The following ALPK2 variants were observed in gnomAD, a reference collection of about 807,000 sequenced individuals.
The protein encoded by ALPK2 is alpha kinase 2, also known as alpha-protein kinase 2.
ALPK2 carries 127 observed loss-of-function variants against 163.1 expected under a neutral mutation model. That is an observed-to-expected ratio of 0.78 (90% CI 0.67 to 0.90). ALPK2 has a LOEUF of 0.90. Among genes scored for constraint, ALPK2 ranks in the 40% least tolerant of loss-of-function variants. The probability of loss-of-function intolerance (pLI) is 0.00; values close to 1 mark genes in which losing one functional copy is unlikely to be tolerated. For synonymous variants in ALPK2, 953 were observed against 959.1 expected, an observed-to-expected ratio of 0.99 and a Z score of 0.12; for missense variants, 2,360 against 2,589.6, an observed-to-expected ratio of 0.91 and a Z score of 1.92.
chr18:58,571,104 C>T (rs1260734464), intron 4 of ALPK2, among the ~76,000 whole-genome samples: 1 of 152,106 alleles, frequency 6.6e-6, no homozygotes, highest in Non-Finnish European at 1.5e-5. Context: ...TCACTGCAAC[C>T]TCCACCTCCC....
intron 4 of ALPK2, among the ~76,000 whole-genome samples, chr18:58,550,359 G>GTGTCATATACAACCCATCCCCA (rs2051745716): frequency 2.7e-4 from 2 of 7,540 alleles, no homozygotes; most frequent in Admixed American, 1.3e-3. Context: ...CCCCATCTCT[G>GTGTCATATACAACCCATCCCCA]TCTCTATCAC....
intron 11 of ALPK2, among the ~76,000 whole-genome samples, chr18:58,502,112 G>A (rs946748277): frequency 1.4e-5 from 2 of 143,230 alleles, no homozygotes; most frequent in Admixed American, 7.4e-5. Context: ...ACCAGCCTGA[G>A]CAACAAAGTG....
At chr18:58,541,314 A>G (rs1193013500) in intron 4 of ALPK2, among the ~76,000 whole-genome samples, 1 of 152,198 alleles carries the variant, frequency 6.6e-6, no homozygotes, top group Admixed American at 6.5e-5. Flanking sequence ...ACACTTTTAA[A>G]CAACCAGATC....
At chr18:58,604,464 G>A (rs546324770) in intron 3 of ALPK2, among the ~76,000 whole-genome samples, 1 of 152,234 alleles carries the variant, frequency 6.6e-6, no homozygotes, top group South Asian at 2.1e-4. Flanking sequence ...GAATCACCTG[G>A]GATTCCGATT....
intron 4 of ALPK2, chr18:58,566,455 C>T (rs2051853605): frequency 6.6e-6 from 1 of 152,166 alleles, no homozygotes; most frequent in Non-Finnish European, 1.5e-5. Flanking sequence ...TTTCCATCTC[C>T]TTTCAGAGAT....
chr18:58,538,031 T>A lies in ALPK2; in HGVS notation c.2156A>T (p.His719Leu). The A allele has an allele frequency of 6.2e-7, 1 of 1,614,188 alleles. No homozygotes were observed. Among genetic ancestry groups the A allele is most frequent in the Non-Finnish European group, 8.5e-7 (1 of 1,180,020 alleles). ...EVKPCTCGPQ[H>L]EEKQDRDGNI... ...GCCATCTCTGTCTTGTTTTTCTTCATGCTGTGGACCACAGGTACAGGGTTT... is the reference window on the plus strand; with the variant it reads ...GCCATCTCTGTCTTGTTTTTCTTCAAGCTGTGGACCACAGGTACAGGGTTT... The change falls in exon 5 of 13, where the codon CAT (histidine) becomes CTT (leucine). Residue 719 changes from histidine (H) to leucine (L), a missense_variant. His to Leu is a moderately conservative substitution (Grantham distance 99). Coordinates refer to ENST00000361673, the MANE Select transcript of ALPK2 (RefSeq NM_052947.4).
In ALPK2 at chr18:58,580,472, C is replaced by A. The variant is rs752603625; in HGVS notation, c.304G>T (p.Val102Phe). The A allele has an allele frequency of 6.2e-7, 1 of 1,614,112 alleles. No individual in the cohort carries two copies. The highest frequency in any genetic ancestry group is 1.1e-5 in the South Asian group (1 of 91,070). Residue 102 changes from valine to phenylalanine, a missense_variant, in exon 4 of 13, where the codon GTT (valine) becomes TTT (phenylalanine). Val to Phe is a conservative substitution (Grantham distance 50). Transcript: ENST00000361673. The stretch of plus-strand genomic sequence containing the variant: ...TTCTCTGATGAGCACTCAACCTCAA[C>A]GGAAGCAGAACAACAGATCATTCCA... ...SFGMICCSAS[V>F]EVECSSENPQ...
Position 58,535,167 on chromosome 18 carries a change from G to T in ALPK2, c.5020C>A (p.Gln1674Lys). The change falls in exon 5 of 13, where the codon CAA becomes AAA. Residue 1674 changes from glutamine (Q) to lysine (K), a missense_variant. Gln to Lys is a moderately conservative substitution (Grantham distance 53). Transcript: ENST00000361673. ...TTCGCACAGCCCAGGGTGCCCTTTT[G>T]ACATGGATCCTGCAGTAATTTAGGG... ...KAPKLLQDPC[Q>K]KGTLGCAKKS... is the part of the protein sequence containing the mutation. 1.2e-6 allele frequency: 2 copies of T among 1,614,000 alleles called. No homozygotes were observed. Among genetic ancestry groups the T allele is most frequent in the Non-Finnish European group, 1.7e-6 (2 of 1,179,998 alleles).
chr18:58,498,605 A>AT (rs1208760656), intron 11 of ALPK2, among the ~76,000 whole-genome samples: 1 of 152,212 alleles, frequency 6.6e-6, no homozygotes, highest in African/African-American at 2.4e-5. Flanking sequence ...CTCATCTTGA[A>AT]TGTAGCTCCC....
intron 3 of ALPK2, among the ~76,000 whole-genome samples, chr18:58,599,508 A>G (rs937365882): frequency 2.0e-5 from 3 of 152,250 alleles, no homozygotes; most frequent in African/African-American, 7.2e-5. Context: ...ACCTTGGATG[A>G]AATGCATTTC....
intron 11 of ALPK2, 43 bp from the exon 12 acceptor site, chr18:58,498,140 G>A: frequency 6.2e-7 from 1 of 1,605,526 alleles, no homozygotes; most frequent in Non-Finnish European, 8.5e-7. Context: ...TGTTACTCAG[G>A]GCCCCTCAGG....
intron 4 of ALPK2, among the ~76,000 whole-genome samples, chr18:58,539,618 T>A (rs1332458070): frequency 2.0e-5 from 3 of 152,136 alleles, no homozygotes; most frequent in Non-Finnish European, 4.4e-5. Flanking sequence ...ACAGCCACAT[T>A]CAGATGTGCA....
chr18:58,587,776 T>C (rs748118180), intron 3 of ALPK2, among the ~76,000 whole-genome samples: 1 of 151,956 alleles, frequency 6.6e-6, no homozygotes, highest in Non-Finnish European at 1.5e-5. Flanking sequence ...ATATATATAA[T>C]GAGAGTCCCC....
intron 3 of ALPK2, among the ~76,000 whole-genome samples, chr18:58,602,081 A>T (rs2052073380): frequency 6.6e-6 from 1 of 152,184 alleles, no homozygotes; most frequent in African/African-American, 2.4e-5. Flanking sequence ...AGGAAACCTT[A>T]TTGATTTCCC....
intron 10 of ALPK2, among the ~76,000 whole-genome samples, chr18:58,507,254 G>A (rs1449829739): frequency 1.3e-5 from 2 of 152,188 alleles, no homozygotes; most frequent in East Asian, 1.9e-4. Flanking sequence ...GTGAAATGGC[G>A]GCGGGGCAGC....
In ALPK2 at chr18:58,537,787, T is replaced by C. The variant is rs2051662118; in HGVS notation, c.2400A>G (p.Ala800=). The change falls in exon 5 of 13, where the codon GCA becomes GCG. Residue 800 remains alanine (A), a synonymous_variant. Transcript: ENST00000361673. The part of the protein sequence containing the change: ...NVCDEPRDRE[A]VCAMECFEAG... Reference sequence around the variant, plus strand: ...CCTCAAAACACTCCATTGCACACACTGCTTCTCTGTCCCTTGGCTCATCAC... The same window carrying C: ...CCTCAAAACACTCCATTGCACACACCGCTTCTCTGTCCCTTGGCTCATCAC... The C allele has an allele frequency of 6.2e-7, 1 of 1,614,168 alleles. No individual in the cohort carries two copies.
At chr18:58,550,684 TCCATC>T in intron 4 of ALPK2, among the ~76,000 whole-genome samples, 2 of 147,988 alleles carry the variant, frequency 1.4e-5, no homozygotes, top group Admixed American at 6.7e-5. Context: ...CATCCCCACC[TCCATC>T]GTGTACAACC....
chr18:58,527,548 A>G (rs1312804480), intron 6 of ALPK2, among the ~76,000 whole-genome samples: 1 of 152,232 alleles, frequency 6.6e-6, no homozygotes, highest in Non-Finnish European at 1.5e-5. Context: ...GGGACCCGCA[A>G]ATATTCAAGT....
In ALPK2 at chr18:58,579,475, C is replaced by A; in HGVS notation, c.1301G>T (p.Gly434Val). Residue 434 changes from glycine to valine, a missense_variant, in exon 4 of 13, where the codon GGA (glycine) becomes GTA (valine). By Grantham distance (109) the Gly-to-Val change is moderately radical. Transcript: ENST00000361673. The stretch of plus-strand genomic sequence containing the variant: ...TGAAGACGTTCCATCCTGGTGAGGT[C>A]CCAAAATGAGAGTCATCCCTGTTTG... ...SPQTGMTLIL[G>V]PHQDGTSSVT... The A allele has an allele frequency of 6.2e-7, 1 of 1,614,084 alleles. No homozygotes were observed. The highest frequency in any genetic ancestry group is 8.5e-7 in the Non-Finnish European group (1 of 1,180,026).
Sources: allele counts gnomAD v4.1 joint callset (sites outside exome capture counted in the v4.1 genomes callset), GRCh38; gene constraint gnomAD v4.1.1; transcripts MANE v1.5; gene names NCBI Gene and HGNC (gene_info 2026-07-23, HGNC 2026-07-21).